CSPG4: variants seen among roughly 807,000 people sequenced by gnomAD.
CSPG4 encodes the protein chondroitin sulfate proteoglycan 4 (melanoma-associated).
In CSPG4, 74 loss-of-function variants were observed where a neutral mutation model predicts 139.3. The ratio of observed to expected loss-of-function variants is 0.53; its 90% CI spans 0.44 to 0.64. CSPG4 has a LOEUF of 0.64. CSPG4 is among the 30% of genes least tolerant of loss of function. CSPG4 has a pLI of 0.00. For missense variants in CSPG4, 2,565 were observed against 3,148.3 expected (o/e 0.81, Z 4.43); for synonymous variants, 1,234 against 1,394.2 (o/e 0.89, Z 2.56).
chr15:75,708,038 G>C (rs1370811709), intron 1 of CSPG4, among the ~76,000 whole-genome samples: 3 of 149,518 alleles, frequency 2.0e-5, no homozygotes, highest in African/African-American at 7.4e-5. Flanking sequence ...GTCTGAGCCC[G>C]GGTTTCCCCA....
intron 8 of CSPG4, chr15:75,678,659 A>C (rs1312095411): frequency 8.8e-6 from 4 of 455,998 alleles, no homozygotes; most frequent in South Asian, 6.2e-5. Context: ...TGGCCAGAAA[A>C]AACTATTCTT....
upstream of CSPG4, among the ~76,000 whole-genome samples, chr15:75,713,371 A>T (rs1894477966): frequency 1.3e-5 from 2 of 152,194 alleles, no homozygotes; most frequent in African/African-American, 2.4e-5. Context: ...TCTGCCTGGA[A>T]GGGCCTCACC....
rs546467500 is a variant in CSPG4, at chr15:75,693,113, G to A, written c.209C>T (p.Pro70Leu). 9.0e-6 allele frequency: 14 copies of A among 1,548,108 alleles called. 1 individual carries two copies. The highest frequency in any genetic ancestry group is 2.3e-4 in the Middle Eastern group (1 of 4,374). The change falls in exon 2 of 10, where the codon CCA (proline) becomes CTA (leucine). Residue 70 changes from proline to leucine, a missense_variant. Physicochemically the swap from Pro to Leu is moderately conservative, Grantham distance 98. Transcript: ENST00000308508. ...GAGCTGCAGCAGGAGGTGGTCAGCT[G>A]GGCCTGCTGCCAGGAGAAGGAGGGC... ...PEALLLLAAG[P>L]ADHLLLQLYS... is the part of the protein sequence containing the mutation.
chr15:75,697,749 G>A (rs780771070), intron 1 of CSPG4, among the ~76,000 whole-genome samples: 6 of 152,310 alleles, frequency 3.9e-5, no homozygotes, highest in Admixed American at 1.3e-4. Flanking sequence ...GCCTGGGCCC[G>A]TAGTTGAGGG....
Position 75,677,231 on chromosome 15 carries a change from G to A in CSPG4, c.5288C>T (p.Ser1763Phe). The A allele has an allele frequency of 1.3e-6, 2 of 1,482,972 alleles. No homozygotes were observed. The highest frequency in any genetic ancestry group is 1.8e-6 in the Non-Finnish European group (2 of 1,112,474). 91.9% of individuals were successfully genotyped at this position (1,482,972 alleles called of 1,614,324 possible). The change falls in exon 10 of 10, where the codon TCC becomes TTC. Residue 1763 changes from serine to phenylalanine, a missense_variant. Transcript: ENST00000308508. The part of the protein sequence containing the change: ...QFPSRGQLLV[S>F]EEPLHAGQPH... ...CTGCCCAGCATGGAGGGGCTCCTCGGACACCAACAGCTGGCCCCGGCTGGG... is the reference window on the plus strand; with the variant it reads ...CTGCCCAGCATGGAGGGGCTCCTCGAACACCAACAGCTGGCCCCGGCTGGG...
Position 75,712,759 on chromosome 15 carries a change from G to C in CSPG4, c.-4C>G, listed in dbSNP as rs1231992550. ...GGGGCCGCGGCCCGGACTGCATCCC[G>C]GCGGGCTGGGCGGCAGGACTTGCGA... On this transcript the variant is annotated 5_prime_UTR_variant, in exon 1 of 10. Transcript: ENST00000308508. 7 of 1,540,668 alleles carry C rather than the reference G, an allele frequency of 4.5e-6. No individual in the cohort carries two copies. The highest frequency in any genetic ancestry group is 8.8e-7 in the Non-Finnish European group (1 of 1,142,442).
intron 1 of CSPG4, among the ~76,000 whole-genome samples, chr15:75,699,788 A>T (rs1217804419): frequency 6.6e-6 from 1 of 152,026 alleles, no homozygotes; most frequent in Non-Finnish European, 1.5e-5. Flanking sequence ...TCAGGCGAGG[A>T]GGGTGGGGTG....
rs1450337398 is a variant in CSPG4, at chr15:75,688,028, G to T, written c.3037C>A (p.Pro1013Thr). The T allele has an allele frequency of 1.2e-6, 2 of 1,612,008 alleles. No homozygotes were observed. The highest frequency in any genetic ancestry group is 3.3e-5 in the Admixed American group (2 of 59,974). Residue 1013 changes from proline to threonine, a missense_variant, in exon 3 of 10, where the codon CCC (proline) becomes ACC (threonine). Coordinates refer to ENST00000308508, the MANE Select transcript of CSPG4 (RefSeq NM_001897.5). Reference sequence around the variant, plus strand: ...TGCACAGGGGCGTGGTCATTCACGGGCTGGATGGCCACTCGGAAGACACCC... The same window carrying T: ...TGCACAGGGGCGTGGTCATTCACGGTCTGGATGGCCACTCGGAAGACACCC... ...VRGVFRVAIQ[P>T]VNDHAPVQTI...
chr15:75,687,206 C>G lies in CSPG4; in HGVS notation c.3789+70G>C. On this transcript the variant is annotated intron_variant, in intron 3 of 9. Transcript: ENST00000308508. The surrounding 1 kb of genome is among the most constrained non-coding windows in gnomAD (Gnocchi z 5.4). The stretch of plus-strand genomic sequence containing the variant: ...AGCCACAGCCCAAGTCACGTGTGTT[C>G]CTGGCATGGAGGCTGGGAGAAGGCC... 6.3e-7 allele frequency: 1 copy of G among 1,576,298 alleles called. No individual in the cohort carries two copies. The highest frequency in any genetic ancestry group is 1.1e-5 in the South Asian group (1 of 89,566).
chr15:75,688,450 G>T lies in CSPG4; in HGVS notation c.2615C>A (p.Thr872Asn). 1.9e-6 allele frequency: 3 copies of T among 1,613,242 alleles called. No individual in the cohort carries two copies. Among genetic ancestry groups the T allele is most frequent in the South Asian group, 1.1e-5 (1 of 91,084 alleles). Reference sequence around the variant, plus strand: ...TGGAGCTGTGACACGGAAACGGAAGGTGTCCTCGACTGCCTCTGAGGCACG... The same window carrying T: ...TGGAGCTGTGACACGGAAACGGAAGTTGTCCTCGACTGCCTCTGAGGCACG... ...TARASEAVED[T>N]FRFRVTAPPY... is the part of the protein sequence containing the mutation. Residue 872 changes from threonine (T) to asparagine (N), a missense_variant, in exon 3 of 10, where the codon ACC (threonine) becomes AAC (asparagine). Coordinates refer to ENST00000308508, the MANE Select transcript of CSPG4 (RefSeq NM_001897.5).
upstream of CSPG4, chr15:75,712,937 C>A (rs992069178): frequency 9.3e-5 from 50 of 540,072 alleles, no homozygotes; most frequent in African/African-American, 7.9e-4. Flanking sequence ...CTTGGACTCC[C>A]CCACCTGCCC....
rs1401097030 is a variant in CSPG4 at position 75,674,440 on chromosome 15, C to T, written c.*1110G>A. 3 of 344,452 alleles carry T rather than the reference C, an allele frequency of 8.7e-6. No homozygotes were observed. Among genetic ancestry groups the T allele is most frequent in the East Asian group, 8.4e-5 (2 of 23,944 alleles). 21.3% of individuals were successfully genotyped at this position (344,452 alleles called of 1,614,324 possible). A position where few individuals can be genotyped will look rare whatever the true frequency, so the allele number is the denominator to read the frequency against. Reference sequence around the variant, plus strand: ...TCACCCGAAGACTGGCCCACCTGCCCACACAGGTGGGGGCACAGGAGGTCT... The same window carrying T: ...TCACCCGAAGACTGGCCCACCTGCCTACACAGGTGGGGGCACAGGAGGTCT... On this transcript the variant is annotated 3_prime_UTR_variant, in exon 10 of 10. Coordinates refer to ENST00000308508, the MANE Select transcript of CSPG4 (RefSeq NM_001897.5).
intron 1 of CSPG4, among the ~76,000 whole-genome samples, chr15:75,706,206 C>T (rs371769685): frequency 2.0e-5 from 3 of 152,190 alleles, no homozygotes; most frequent in South Asian, 2.1e-4. Context: ...TAGGTGGGAA[C>T]GGAAGTTCGT....
intron 5 of CSPG4, among the ~76,000 whole-genome samples, 193 bp from the exon 6 acceptor site, chr15:75,683,234 C>T (rs1258658146): frequency 6.6e-6 from 1 of 152,148 alleles, no homozygotes; most frequent in East Asian, 1.9e-4. Context: ...CAGGGAAGGC[C>T]CCAGGGAAGG....
chr15:75,698,378 G>A lies in CSPG4; in HGVS notation c.89-5145C>T, dbSNP rs542161732. Among the ~76,000 whole-genome samples, 1 of 152,120 alleles carries A rather than the reference G, an allele frequency of 6.6e-6. No homozygotes were observed. Among genetic ancestry groups the A allele is most frequent in the South Asian group, 2.1e-4 (1 of 4,822 alleles). On this transcript the variant is annotated intron_variant, in intron 1 of 9. Transcript: ENST00000308508. This position sits in a 1 kb window ranked among gnomAD's most constrained non-coding sequence, Gnocchi z 4.3. Reference sequence around the variant, plus strand: ...CTGAATGCCGGCTCTGTGAGAGCATGGACGGGCCAGGTGTGCTTCCCCAGC... The same window carrying A: ...CTGAATGCCGGCTCTGTGAGAGCATAGACGGGCCAGGTGTGCTTCCCCAGC...
rs1893873586 is a variant in CSPG4 at position 75,675,325 on chromosome 15, C to T, written c.*225G>A. On this transcript the variant is annotated 3_prime_UTR_variant, in exon 10 of 10. Transcript: ENST00000308508. ...GAACTTAAGCCTGCCTCCACCTTGG[C>T]CCCTGCAGTTCTCCAGGCTCGGAGT... 4 of 422,652 alleles carry T rather than the reference C, an allele frequency of 9.5e-6. No homozygotes were observed. In the East Asian group the frequency reaches 1.5e-4, roughly 15 times the overall value. The allele number at this position is 422,652 out of a possible 1,614,324, so 26.2% of individuals were successfully genotyped here.
chr15:75,684,908 T>C lies in CSPG4; in HGVS notation c.4277A>G (p.Glu1426Gly). 1.2e-6 allele frequency: 2 copies of C among 1,608,122 alleles called. No individual in the cohort carries two copies. The highest frequency in any genetic ancestry group is 1.7e-6 in the Non-Finnish European group (2 of 1,175,474). ...ATGCACGTAGCGGATCAGCTGCTCT[T>C]CCACCTAGGGGCAGGCCCAGGGCTG... ...TLSAFSWRMV[E>G]EQLIRYVHDG... The change falls in exon 5 of 10, where the codon GAA (glutamate) becomes GGA (glycine). Residue 1426 changes from glutamate (E) to glycine (G), a missense_variant. By Grantham distance (98) the Glu-to-Gly change is moderately conservative. Coordinates refer to ENST00000308508, the MANE Select transcript of CSPG4 (RefSeq NM_001897.5).
intron 1 of CSPG4, among the ~76,000 whole-genome samples, chr15:75,699,469 G>A (rs1335503655): frequency 3.3e-5 from 5 of 152,240 alleles, no homozygotes; most frequent in African/African-American, 7.2e-5. Context: ...AGTCACCCAC[G>A]TAGAGGGGCA....
rs1408971255 is a variant in CSPG4, at chr15:75,677,179, A to G, written c.5340T>C (p.Ala1780=). The G allele has an allele frequency of 1.4e-6, 2 of 1,435,164 alleles. No homozygotes were observed. Among genetic ancestry groups the G allele is most frequent in the Non-Finnish European group, 1.8e-6 (2 of 1,091,554 alleles). 88.9% of individuals were successfully genotyped at this position (1,435,164 alleles called of 1,614,324 possible). Residue 1780 remains alanine, a synonymous_variant, in exon 10 of 10, where the codon GCT becomes GCC. Coordinates refer to ENST00000308508, the MANE Select transcript of CSPG4 (RefSeq NM_001897.5). ...GQPHFLQSQL[A]AGQLVYAHGG... is the part of the protein sequence containing the mutation. ...CGTGGGCATACACTAGCTGCCCTGC[A>G]GCCAGCTGGGACTGCAGGAAGTGGG...
Sources: gnomAD v4.1 joint callset for allele counts (sites outside exome capture counted in the v4.1 genomes callset) on GRCh38, gnomAD v4.1.1 for gene constraint, Gnocchi (gnomAD v3.1) non-coding constraint, MANE v1.5 for transcripts, NCBI Gene and HGNC (gene_info 2026-07-23, HGNC 2026-07-21) for gene names.